PRKCA: variants seen among roughly 807,000 people sequenced by gnomAD.
PRKCA encodes the protein protein kinase C alpha type.
In PRKCA, 27 loss-of-function variants were observed where a neutral mutation model predicts 87.0. That is an observed-to-expected ratio of 0.31 (90% confidence interval 0.23 to 0.43). The LOEUF (loss-of-function observed/expected upper bound fraction) is 0.43. Ranked by LOEUF, PRKCA falls within the 20% of genes least tolerant of loss-of-function variation. The probability of loss-of-function intolerance (pLI) is 1.00; values close to 1 mark genes in which losing one functional copy is unlikely to be tolerated. For synonymous variants in PRKCA, 329 were observed against 311.1 expected (o/e 1.06, Z -0.61); for missense variants, 518 against 852.3 (o/e 0.61, Z 4.88).
intron 3 of PRKCA, among the ~76,000 whole-genome samples, chr17:66,559,305 T>C (rs1192039536): frequency 6.6e-6 from 1 of 150,942 alleles, no homozygotes; most frequent in Non-Finnish European, 1.5e-5. Flanking sequence ...ACCCTGTCTC[T>C]CCTAAAAATA....
chr17:66,624,787 C>CAAACAAATAAATAAAT (rs967892105), intron 3 of PRKCA, among the ~76,000 whole-genome samples: 1 of 143,632 alleles, frequency 7.0e-6, no homozygotes, highest in African/African-American at 2.6e-5. Context: ...GACTCCATCT[C>CAAACAAATAAATAAAT]AAATAAATAA....
chr17:66,490,174 A>G (rs1916175427), intron 2 of PRKCA, among the ~76,000 whole-genome samples: 1 of 152,140 alleles, frequency 6.6e-6, no homozygotes, highest in Non-Finnish European at 1.5e-5. Flanking sequence ...GCCTCTTCCT[A>G]TTCCTCTTAT....
chr17:66,651,177 A>G (rs1161204870), intron 5 of PRKCA, among the ~76,000 whole-genome samples: 4 of 152,154 alleles, frequency 2.6e-5, no homozygotes, highest in Non-Finnish European at 4.4e-5. Flanking sequence ...GAAGCTCAGC[A>G]CCATCCAGGA....
intron 3 of PRKCA, 45 bp from the exon 4 acceptor site, chr17:66,641,310 G>C: frequency 6.9e-7 from 1 of 1,445,998 alleles, no homozygotes; most frequent in Non-Finnish European, 9.7e-7. Context: ...TAAAAACGTG[G>C]TCCTTTCATG....
chr17:66,804,072 C>T lies in PRKCA; in HGVS notation c.*35C>T, dbSNP rs748517945. 26 of 1,583,830 alleles carry T rather than the reference C, an allele frequency of 1.6e-5. No individual in the cohort carries two copies. The highest frequency in any genetic ancestry group is 2.2e-5 in the Non-Finnish European group (25 of 1,158,012). On this transcript the variant is annotated 3_prime_UTR_variant, in exon 17 of 17. Coordinates refer to ENST00000413366, the MANE Select transcript of PRKCA (RefSeq NM_002737.3). ...GCGAGAACAAACACCTCCCCAGCCC[C>T]CAGCCCTCCCCGCAGTGGGAAGTGA...
intron 2 of PRKCA, among the ~76,000 whole-genome samples, chr17:66,353,172 T>C (rs576789034): frequency 6.6e-6 from 1 of 152,314 alleles, no homozygotes; most frequent in African/African-American, 2.4e-5. Context: ...AAGGGGTATG[T>C]CCTAGATTTA....
intron 13 of PRKCA, among the ~76,000 whole-genome samples, chr17:66,772,815 A>G (rs1974968722): frequency 6.6e-6 from 1 of 152,088 alleles, no homozygotes; most frequent in African/African-American, 2.4e-5. Flanking sequence ...CCCATCACCA[A>G]TTTCAACAGC....
At chr17:66,336,615 A>G (rs8075292) in intron 2 of PRKCA, among the ~76,000 whole-genome samples, 101,848 of 151,096 alleles carry the variant, frequency 0.67, 34,744 homozygotes, top group East Asian at 1. Context: ...GTGGTGGGGG[A>G]GTAATTTAAA....
At chr17:66,521,931 TA>T (rs1967173098) in intron 3 of PRKCA, among the ~76,000 whole-genome samples, 1 of 152,210 alleles carries the variant, frequency 6.6e-6, no homozygotes, top group Admixed American at 6.5e-5. Context: ...CTCTTTGAAA[TA>T]ACAAAATACT....
chr17:66,744,124 C>T (rs1236075558), intron 13 of PRKCA, among the ~76,000 whole-genome samples: 2 of 152,080 alleles, frequency 1.3e-5, no homozygotes, highest in African/African-American at 2.4e-5. Context: ...TTCAAGACAG[C>T]GTGGACACAT....
intron 3 of PRKCA, among the ~76,000 whole-genome samples, chr17:66,518,971 C>G (rs1158429361): frequency 6.6e-6 from 1 of 152,178 alleles, no homozygotes; most frequent in Non-Finnish European, 1.5e-5. Flanking sequence ...GATGCGTACA[C>G]TACAAAGCAC....
intron 15 of PRKCA, 106 bp downstream of exon 15, chr17:66,787,080 AC>A (rs1378804472): frequency 3.2e-6 from 3 of 925,666 alleles, no homozygotes; most frequent in Non-Finnish European, 3.6e-6. Context: ...ACAAACCCAC[AC>A]CACTGCATTT....
intron 14 of PRKCA, chr17:66,775,165 G>A: frequency 1.2e-6 from 1 of 815,968 alleles, no homozygotes; most frequent in Non-Finnish European, 1.3e-6. Context: ...GAATGACCCT[G>A]TGGTCAGTGC....
intron 3 of PRKCA, among the ~76,000 whole-genome samples, chr17:66,578,887 C>T (rs946328341): frequency 6.6e-6 from 1 of 152,238 alleles, no homozygotes; most frequent in Middle Eastern, 3.2e-3. Flanking sequence ...TCTGTTTCGA[C>T]CTGTGGGTGG....
intron 13 of PRKCA, among the ~76,000 whole-genome samples, chr17:66,765,431 TATATATATATATATATATATATATCC>T (rs1168195229): frequency 7.6e-6 from 1 of 131,694 alleles, no homozygotes; most frequent in Non-Finnish European, 1.6e-5. Context: ...TATATATATA[TATATATATATATATATATATATATCC>T]ATATATATAC....
chr17:66,506,577 C>T (rs1185836056), intron 3 of PRKCA, among the ~76,000 whole-genome samples: 1 of 152,132 alleles, frequency 6.6e-6, no homozygotes, highest in Non-Finnish European at 1.5e-5. Flanking sequence ...TCTTGAATTA[C>T]TTGAATATTT....
intron 5 of PRKCA, among the ~76,000 whole-genome samples, chr17:66,662,069 C>T (rs1265069695): frequency 6.6e-6 from 1 of 152,210 alleles, no homozygotes; most frequent in African/African-American, 2.4e-5. Context: ...TGAGAAGAGC[C>T]AGCCAGGCAA....
At chr17:66,381,934 A>G (rs192514484) in intron 2 of PRKCA, among the ~76,000 whole-genome samples, 1 of 152,326 alleles carries the variant, frequency 6.6e-6, no homozygotes, top group Admixed American at 6.5e-5. Flanking sequence ...TGGTAATACA[A>G]TGATGTGTTG....
chr17:66,619,196 C>G (rs1970602709), intron 3 of PRKCA, among the ~76,000 whole-genome samples: 2 of 152,150 alleles, frequency 1.3e-5, no homozygotes, highest in Admixed American at 1.3e-4. Context: ...AATTGAGTCT[C>G]TCTCATAAAC....
Sources: gnomAD v4.1 joint callset for allele counts (sites outside exome capture counted in the v4.1 genomes callset) on GRCh38, gnomAD v4.1.1 for gene constraint, MANE v1.5 for transcripts, NCBI Gene and HGNC (gene_info 2026-07-23, HGNC 2026-07-21) for gene names.